Variants in TRMU observed in about 807,000 individuals in gnomAD.
TRMU encodes tRNA mitochondrial 2-thiouridylase.
In TRMU, 49 loss-of-function variants were observed where a neutral mutation model predicts 46.9. That is an observed-to-expected ratio of 1.05 (90% CI 0.83 to 1.33). TRMU has a LOEUF of 1.33. TRMU is among the 40% of genes most tolerant of loss of function. The pLI, the probability that TRMU is intolerant of heterozygous loss-of-function variation, is 0.00. For synonymous variants in TRMU, 241 were observed against 200.9 expected (o/e 1.20, Z -1.69); for missense variants, 572 against 532.4 (o/e 1.07, Z -0.73).
chr22:46,351,153 A>G lies in TRMU; in HGVS notation c.651+690A>G, dbSNP rs1469957852. 2.0e-5 allele frequency among the ~76,000 whole-genome samples: 3 copies of G among 152,208 alleles called. No homozygotes were observed. The highest frequency in any genetic ancestry group is 4.4e-5 in the Non-Finnish European group (3 of 68,036). ...GAAGGAGGAGAGGATCCGGTGTCCC[A>G]GAGAGGGCTGGGAAAGTCCAGATGA... On this transcript the variant is annotated intron_variant, in intron 5 of 10. Coordinates refer to ENST00000645190, the MANE Select transcript of TRMU (RefSeq NM_018006.5). This position sits in a 1 kb window ranked among gnomAD's most constrained non-coding sequence, Gnocchi z 6.4.
At chr22:46,341,990 C>G (rs2078134350) in intron 2 of TRMU, among the ~76,000 whole-genome samples, 1 of 151,892 alleles carries the variant, frequency 6.6e-6, no homozygotes, top group South Asian at 2.1e-4. Flanking sequence ...GGCAGTCATC[C>G]TCACGGAAGA....
Position 46,352,169 on chromosome 22 carries a change from C to T in TRMU, c.700C>T (p.Leu234Phe), listed in dbSNP as rs761965271. Residue 234 changes from leucine to phenylalanine, a missense_variant, in exon 6 of 11, where the codon CTT (leucine) becomes TTT (phenylalanine). Leu to Phe is a conservative substitution (Grantham distance 22, BLOSUM62 0). Coordinates refer to ENST00000645190, the MANE Select transcript of TRMU (RefSeq NM_018006.5). ...GAAGAGGAATTTTGAACATTTCCTT[C>T]TTCAGGTGCGTGCTGCTCTTTGACA... ...IGKRNFEHFL[L>F]QYLQPRPGHF... 20 of 1,614,082 alleles carry T rather than the reference C, an allele frequency of 1.2e-5. No individual in the cohort carries two copies. The highest frequency in any genetic ancestry group is 2.7e-5 in the African/African-American group (2 of 74,942).
intron 1 of TRMU, 70 bp downstream of exon 1, chr22:46,335,916 G>A (rs1040936925): frequency 3.7e-5 from 57 of 1,522,952 alleles, no homozygotes; most frequent in Non-Finnish European, 4.8e-5. Context: ...CGTCCGTCGT[G>A]GCGTTGTGCA....
intron 2 of TRMU, among the ~76,000 whole-genome samples, chr22:46,341,611 G>A (rs1204480420): frequency 6.6e-6 from 1 of 151,844 alleles, no homozygotes; most frequent in Non-Finnish European, 1.5e-5. Flanking sequence ...AGAGTTTTAG[G>A]TTAAATGAAA....
rs1359902651 is a variant in TRMU at position 46,357,183 on chromosome 22, A to C, written c.*177A>C. Reference sequence around the variant, plus strand: ...GAGCCCCAGGAAGAGCCTCAGCTCCAGGCTGGGGCTCTGGCTGCTGGAGCA... The same window carrying C: ...GAGCCCCAGGAAGAGCCTCAGCTCCCGGCTGGGGCTCTGGCTGCTGGAGCA... On this transcript the variant is annotated 3_prime_UTR_variant, in exon 11 of 11. Transcript: ENST00000645190. 8.7e-6 allele frequency: 7 copies of C among 806,558 alleles called. No individual in the cohort carries two copies. The highest frequency in any genetic ancestry group is 1.4e-5 in the Non-Finnish European group (7 of 506,576). The allele number at this position is 806,558 out of a possible 1,614,324, so 50.0% of individuals were successfully genotyped here.
intron 4 of TRMU, 108 bp downstream of exon 4, chr22:46,346,652 G>A: frequency 1.5e-6 from 2 of 1,331,390 alleles, no homozygotes; most frequent in South Asian, 1.2e-5. Flanking sequence ...CTCCCTCTGT[G>A]CTCCAGAGTA....
At position 46,355,098 on chromosome 22, in the gene TRMU, G is replaced by A. The variant is rs115170296; in HGVS notation, c.874-346G>A. 6.1e-3 allele frequency: 2,482 copies of A among 405,570 alleles called. 59 individuals carry two copies. Among genetic ancestry groups the A allele is most frequent in the African/African-American group, 0.047 (2,310 of 49,448 alleles). 25.1% of individuals were successfully genotyped at this position (405,570 alleles called of 1,614,324 possible). A position where few individuals can be genotyped will look rare whatever the true frequency, so the allele number is the denominator to read the frequency against. ...CCTGCGAATAGAAAAACCAGTCCTCGAGGGGGGCCGTGCTGCTGCCCCACA... is the reference window on the plus strand; with the variant it reads ...CCTGCGAATAGAAAAACCAGTCCTCAAGGGGGGCCGTGCTGCTGCCCCACA... On this transcript the variant is annotated intron_variant, in intron 8 of 10. Coordinates refer to ENST00000645190, the MANE Select transcript of TRMU (RefSeq NM_018006.5).
At chr22:46,356,792 C>G in intron 10 of TRMU, 50 bp from the exon 11 acceptor site, 2 of 1,607,700 alleles carry the variant, frequency 1.2e-6, no homozygotes, top group Non-Finnish European at 1.7e-6. Flanking sequence ...CCTGCCTGCC[C>G]TCGGCTGGCT....
In TRMU at chr22:46,352,133, T is replaced by G. The variant is rs773978060; in HGVS notation, c.664T>G (p.Cys222Gly). The G allele has an allele frequency of 1.2e-6, 2 of 1,613,566 alleles. No homozygotes were observed. Among genetic ancestry groups the G allele is most frequent in the South Asian group, 1.1e-5 (1 of 91,048 alleles). ...VLQKKESMGM[C>G]FIGKRNFEHF... ...CTTCTCATTTCAGAGCATGGGCATG[T>G]GTTTCATCGGGAAGAGGAATTTTGA... Residue 222 changes from cysteine (C) to glycine (G), a missense_variant, in exon 6 of 11, where the codon TGT becomes GGT. Transcript: ENST00000645190.
In TRMU at chr22:46,343,386, A is replaced by G. The variant is rs1169000781; in HGVS notation, c.355+18A>G. On this transcript the variant is annotated intron_variant, in intron 3 of 10. Coordinates refer to ENST00000645190, the MANE Select transcript of TRMU (RefSeq NM_018006.5). ...TAATCTTGGTAAGTAATTTGGGTTTAAAACATTTTTTTTTTTAAAGACAGG... is the reference window on the plus strand; with the variant it reads ...TAATCTTGGTAAGTAATTTGGGTTTGAAACATTTTTTTTTTTAAAGACAGG... 3 of 1,597,800 alleles carry G rather than the reference A, an allele frequency of 1.9e-6. No homozygotes were observed. The highest frequency in any genetic ancestry group is 2.6e-6 in the Non-Finnish European group (3 of 1,165,888).
At chr22:46,341,517 C>T (rs760982) in intron 2 of TRMU, among the ~76,000 whole-genome samples, 2 of 151,808 alleles carry the variant, frequency 1.3e-5, no homozygotes, top group East Asian at 3.8e-4. Context: ...GAACCTCTGA[C>T]CCTGTGCAGA....
chr22:46,337,843 T>C lies in TRMU; in HGVS notation c.147T>C (p.Thr49=). ...WDSLDEHGVC[T]ADKDCEDAYR... is the part of the protein sequence containing the mutation. ...CACTGGATGAACATGGGGTCTGTAC[T>C]GCCGACAAAGACTGTGAAGATGCTT... The change falls in exon 2 of 11, where the codon ACT becomes ACC. Residue 49 remains threonine (T), a synonymous_variant. Transcript: ENST00000645190. The C allele has an allele frequency of 6.2e-7, 1 of 1,614,250 alleles. No individual in the cohort carries two copies. Among genetic ancestry groups the C allele is most frequent in the South Asian group, 1.1e-5 (1 of 91,088 alleles).
chr22:46,357,083 A>G lies in TRMU; in HGVS notation c.*77A>G. 6.3e-7 allele frequency: 1 copy of G among 1,591,326 alleles called. No individual in the cohort carries two copies. The highest frequency in any genetic ancestry group is 8.6e-7 in the Non-Finnish European group (1 of 1,166,848). Reference sequence around the variant, plus strand: ...GGCTGGTGAGCAGTCCAGGTGCCCAAGGGCCAGCTTGCTGCTGCCCAAAGC... The same window carrying G: ...GGCTGGTGAGCAGTCCAGGTGCCCAGGGGCCAGCTTGCTGCTGCCCAAAGC... On this transcript the variant is annotated 3_prime_UTR_variant, in exon 11 of 11. Transcript: ENST00000645190.
At chr22:46,354,205 G>GTGC in intron 8 of TRMU, 1 of 343,570 alleles carries the variant, frequency 2.9e-6, no homozygotes, top group Non-Finnish European at 5.7e-6. Flanking sequence ...GCCAAGGATG[G>GTGC]TGCCCACCAT....
Position 46,352,882 on chromosome 22 carries a change from A to C in TRMU, c.772+552A>C, listed in dbSNP as rs922220795. On this transcript the variant is annotated intron_variant, in intron 7 of 10. Coordinates refer to ENST00000645190, the MANE Select transcript of TRMU (RefSeq NM_018006.5). ...CAGTGTGCAGTCCTGCTGTGGGGAC[A>C]GAGTGCAGCCATTGTTGGGTTAGTA... 1.3e-5 allele frequency: 3 copies of C among 229,024 alleles called. No homozygotes were observed. In the East Asian group the frequency reaches 2.9e-4, roughly 22 times the overall value. The allele number at this position is 229,024 out of a possible 1,614,324, so 14.2% of individuals were successfully genotyped here.
intron 10 of TRMU, chr22:46,356,297 G>A (rs997154155): frequency 1.3e-4 from 72 of 573,872 alleles, no homozygotes; most frequent in Non-Finnish European, 2.0e-4. Flanking sequence ...GTTCCTGCTC[G>A]GGCCCTGAGA....
In TRMU at chr22:46,335,854, G is replaced by A. The variant is rs1601929107; in HGVS notation, c.82+8G>A. On this transcript the variant is annotated splice_region_variant and intron_variant, in intron 1 of 10. Coordinates refer to ENST00000645190, the MANE Select transcript of TRMU (RefSeq NM_018006.5). ...TGCTGCTGAGGCGGAGAGGTGAGGC[G>A]TCCGAGGCTCCCGCCCCCCGCCGAG... is the stretch of plus-strand genomic sequence containing the variant. The A allele has an allele frequency of 6.5e-7, 1 of 1,540,320 alleles. No homozygotes were observed.
intron 8 of TRMU, chr22:46,355,106 C>T (rs1169104744): frequency 2.1e-5 from 9 of 433,384 alleles, no homozygotes; most frequent in Admixed American, 3.7e-5. Flanking sequence ...TCGAGGGGGG[C>T]CGTGCTGCTG....
chr22:46,355,044 A>T (rs922705835), intron 8 of TRMU: 2 of 280,460 alleles, frequency 7.1e-6, no homozygotes, highest in Non-Finnish European at 1.4e-5. Context: ...GCCTTGAGAG[A>T]AGAGCCCGTG....
Sources: gnomAD v4.1 joint callset for allele counts (sites outside exome capture counted in the v4.1 genomes callset) on GRCh38, gnomAD v4.1.1 for gene constraint, Gnocchi (gnomAD v3.1) non-coding constraint, MANE v1.5 for transcripts, NCBI Gene and HGNC (gene_info 2026-07-23, HGNC 2026-07-21) for gene names.